UNC13C: variants seen among roughly 807,000 people sequenced by gnomAD.
UNC13C encodes the protein protein unc-13 homolog C.
A neutral mutation model predicts 245.4 loss-of-function variants in UNC13C; 174 were observed. That is an observed-to-expected ratio of 0.71 (90% CI 0.63 to 0.80). UNC13C has a LOEUF of 0.80. UNC13C is among the 30% of genes least tolerant of loss of function. The probability of loss-of-function intolerance (pLI) is 0.00; values close to 1 mark genes in which losing one functional copy is unlikely to be tolerated. For synonymous variants in UNC13C, 992 were observed against 895.1 expected (o/e 1.11, Z -1.93); for missense variants, 2,829 against 2,602.9 (o/e 1.09, Z -1.89).
intron 19 of UNC13C, among the ~76,000 whole-genome samples, chr15:54,446,603 G>A (rs1466848087): frequency 6.6e-6 from 1 of 152,048 alleles, no homozygotes. Context: ...CCTGTTATTG[G>A]TGTATAAGAA....
chr15:53,884,707 T>C, the UNC13C span, among the ~76,000 whole-genome samples: 3 of 152,198 alleles, frequency 2.0e-5, no homozygotes, highest in Non-Finnish European at 4.4e-5. Flanking sequence ...AGTGGGATTT[T>C]CTCACCTTGA....
chr15:54,339,138 G>T (rs1349788757), intron 17 of UNC13C, among the ~76,000 whole-genome samples: 1 of 152,172 alleles, frequency 6.6e-6, no homozygotes, highest in East Asian at 1.9e-4. Context: ...AAAGTGCTGG[G>T]ATTATAGGCA....
intron 16 of UNC13C, among the ~76,000 whole-genome samples, chr15:54,336,224 T>A (rs543637160): frequency 6.6e-6 from 1 of 152,168 alleles, no homozygotes; most frequent in African/African-American, 2.4e-5. Context: ...AAAATGTGTA[T>A]ACATTGCAGA....
At chr15:54,092,530 A>G (rs188116965) in intron 2 of UNC13C, among the ~76,000 whole-genome samples, 1 of 152,318 alleles carries the variant, frequency 6.6e-6, no homozygotes, top group Admixed American at 6.5e-5. Flanking sequence ...GAGGTTTACT[A>G]AGTTGCTCAA....
chr15:54,389,094 A>G (rs1347139447), intron 17 of UNC13C, among the ~76,000 whole-genome samples: 1 of 152,122 alleles, frequency 6.6e-6, no homozygotes, highest in African/African-American at 2.4e-5. Context: ...ATGACACACA[A>G]AACTTTTCAT....
the UNC13C span, among the ~76,000 whole-genome samples, chr15:53,918,559 G>T: frequency 6.6e-6 from 1 of 152,192 alleles, no homozygotes; most frequent in Non-Finnish European, 1.5e-5. Context: ...TTTAAAGTCT[G>T]TCCCTGGCTG....
At chr15:54,519,513 A>G (rs1423214521) in intron 24 of UNC13C, among the ~76,000 whole-genome samples, 1 of 152,078 alleles carries the variant, frequency 6.6e-6, no homozygotes, top group East Asian at 1.9e-4. Flanking sequence ...TTTAATTAGG[A>G]TGGGAGACAG....
intron 2 of UNC13C, among the ~76,000 whole-genome samples, chr15:54,130,083 A>G (rs1274926908): frequency 7.8e-6 from 1 of 128,484 alleles, no homozygotes; most frequent in Non-Finnish European, 1.7e-5. Flanking sequence ...TTTAATTTTT[A>G]TTAATGTTTT....
intron 4 of UNC13C, among the ~76,000 whole-genome samples, chr15:54,171,299 G>A (rs2033388967): frequency 6.6e-6 from 1 of 151,910 alleles, no homozygotes; most frequent in Non-Finnish European, 1.5e-5. Context: ...GAAACAATCA[G>A]CAAAGTGAAG....
chr15:54,351,335 C>A (rs1054922092), intron 17 of UNC13C, among the ~76,000 whole-genome samples: 9 of 152,086 alleles, frequency 5.9e-5, no homozygotes, highest in Admixed American at 5.9e-4. Flanking sequence ...AACTTTGTCA[C>A]TATGGATTCT....
At chr15:53,849,977 A>G in the UNC13C span, among the ~76,000 whole-genome samples, 1 of 152,202 alleles carries the variant, frequency 6.6e-6, no homozygotes, top group Admixed American at 6.5e-5. Flanking sequence ...TACCACTTAC[A>G]GCCTTCTTTG....
chr15:54,405,466 A>G (rs2040272259), intron 18 of UNC13C, among the ~76,000 whole-genome samples: 1 of 152,192 alleles, frequency 6.6e-6, no homozygotes, highest in African/African-American at 2.4e-5. Context: ...GTGGAATGTC[A>G]GAAAAACAAA....
intron 17 of UNC13C, among the ~76,000 whole-genome samples, chr15:54,381,047 C>A (rs965441016): frequency 1.3e-5 from 2 of 152,086 alleles, no homozygotes; most frequent in Non-Finnish European, 2.9e-5. Flanking sequence ...AGTCTAGTGT[C>A]ATGGAGCTTT....
In UNC13C at chr15:54,560,653, T is replaced by C. The variant is rs557940792; in HGVS notation, c.5958+5141T>C. Among the ~76,000 whole-genome samples, 3 of 151,910 alleles carry C rather than the reference T, an allele frequency of 2.0e-5. 1 individual carries two copies. In the South Asian group the frequency reaches 6.2e-4, roughly 32 times the overall value. ...ATTAATGTATCTAGGGTGGAAGCCT[T>C]TACAAATGTCATAAGGTGGCTATGA... On this transcript the variant is annotated intron_variant, in intron 29 of 32. Transcript: ENST00000260323.
chr15:54,452,230 G>A (rs1261915805), intron 19 of UNC13C, among the ~76,000 whole-genome samples: 1 of 152,196 alleles, frequency 6.6e-6, no homozygotes, highest in Non-Finnish European at 1.5e-5. Flanking sequence ...AGGTCCAGGA[G>A]GGCCAATTCT....
At chr15:54,391,504 A>C (rs1258820048) in intron 17 of UNC13C, among the ~76,000 whole-genome samples, 1 of 152,126 alleles carries the variant, frequency 6.6e-6, no homozygotes, top group Non-Finnish European at 1.5e-5. Context: ...ATTACTTCCT[A>C]AAGATTCACT....
the UNC13C span, among the ~76,000 whole-genome samples, chr15:53,938,754 T>C: frequency 1.3e-5 from 2 of 152,136 alleles, no homozygotes; most frequent in East Asian, 1.9e-4. Flanking sequence ...CCTGAAGGAC[T>C]CCTGGGAAAA....
intron 18 of UNC13C, among the ~76,000 whole-genome samples, chr15:54,400,784 G>T (rs2040165402): frequency 1.3e-5 from 2 of 152,078 alleles, no homozygotes; most frequent in African/African-American, 4.8e-5. Flanking sequence ...AAGTTCTAGG[G>T]TACATGTGCA....
At chr15:54,394,272 T>G (rs776834414) in intron 18 of UNC13C, among the ~76,000 whole-genome samples, 1 of 151,870 alleles carries the variant, frequency 6.6e-6, no homozygotes, top group Non-Finnish European at 1.5e-5. Flanking sequence ...AGAGTGGTCC[T>G]ATTTTTGGTA....
Sources: gnomAD v4.1 joint callset for allele counts (sites outside exome capture counted in the v4.1 genomes callset) on GRCh38, gnomAD v4.1.1 for gene constraint, MANE v1.5 for transcripts, NCBI Gene and HGNC (gene_info 2026-07-23, HGNC 2026-07-21) for gene names.